Variants in CCDC191 observed in about 807,000 individuals in gnomAD.
CCDC191 encodes the protein coiled-coil domain-containing protein 191.
In CCDC191, 99 loss-of-function variants were observed where a neutral mutation model predicts 114.0. The ratio of observed to expected loss-of-function variants is 0.87; its 90% CI spans 0.74 to 1.03. The LOEUF is 1.03. Ranked by LOEUF, CCDC191 falls within the 50% of genes least tolerant of loss-of-function variation. CCDC191 has a pLI of 0.00. For synonymous variants in CCDC191, 351 were observed against 376.0 expected (o/e 0.93, Z 0.77); for missense variants, 973 against 1,087.0 (o/e 0.90, Z 1.47).
chr3:114,021,684 C>G (rs1377982931), intron 7 of CCDC191, among the ~76,000 whole-genome samples: 2 of 152,094 alleles, frequency 1.3e-5, no homozygotes, highest in Non-Finnish European at 2.9e-5. Context: ...CCTCCCTCCC[C>G]CCAGCTTACT....
chr3:114,030,558 C>T (rs1232720622), intron 7 of CCDC191, among the ~76,000 whole-genome samples: 1 of 152,076 alleles, frequency 6.6e-6, no homozygotes, highest in Non-Finnish European at 1.5e-5. Flanking sequence ...ACTACATTTC[C>T]TTCTGTTTTC....
At chr3:114,041,188 A>C (rs1431815273) in intron 4 of CCDC191, among the ~76,000 whole-genome samples, 1 of 152,212 alleles carries the variant, frequency 6.6e-6, no homozygotes, top group Non-Finnish European at 1.5e-5. Flanking sequence ...ACAAATATGA[A>C]GTACTGAAGT....
chr3:114,043,204 T>C (rs970197117), intron 3 of CCDC191, among the ~76,000 whole-genome samples: 31 of 152,106 alleles, frequency 2.0e-4, no homozygotes, highest in Admixed American at 2.6e-4. Context: ...GGTAATATTA[T>C]TCTCTGCAGA....
intron 2 of CCDC191, among the ~76,000 whole-genome samples, chr3:114,048,787 G>A (rs747173518): frequency 3.3e-4 from 50 of 152,150 alleles, no homozygotes; most frequent in Non-Finnish European, 6.3e-4. Context: ...TCTCCCTCAG[G>A]TAGAATGTTG....
At chr3:114,003,904 A>G (rs2075899129) in intron 11 of CCDC191, 1 of 985,264 alleles carries the variant, frequency 1.0e-6, no homozygotes, top group African/African-American at 1.7e-5. Flanking sequence ...GACTAAGCAT[A>G]TAGTAAAAAC....
In CCDC191 at chr3:114,032,836, T is replaced by C. The variant is rs2076426367; in HGVS notation, c.819-1057A>G. Among the ~76,000 whole-genome samples, 5 of 152,282 alleles carry C rather than the reference T, an allele frequency of 3.3e-5. No homozygotes were observed. The South Asian group carries it at 1.0e-3, about 32-fold the overall frequency. On this transcript the variant is annotated intron_variant, in intron 6 of 16. Coordinates refer to ENST00000295878, the MANE Select transcript of CCDC191 (RefSeq NM_020817.2). ...CTTTAAAACTAGGCAATGAGGCAGATTTAAGATAGCTTACAAATAGGTTCA... is the reference window on the plus strand; with the variant it reads ...CTTTAAAACTAGGCAATGAGGCAGACTTAAGATAGCTTACAAATAGGTTCA...
rs116617475 is a variant in CCDC191, at chr3:114,037,674, T to C, written c.416-888A>G. Reference sequence around the variant, plus strand: ...TTGGTTCCAGGACCTCCCGAGAATATCAAAATCCAAAGATGTTCAAAAATC... The same window carrying C: ...TTGGTTCCAGGACCTCCCGAGAATACCAAAATCCAAAGATGTTCAAAAATC... On this transcript the variant is annotated intron_variant, in intron 4 of 16. Coordinates refer to ENST00000295878, the MANE Select transcript of CCDC191 (RefSeq NM_020817.2). 5.9e-3 allele frequency among the ~76,000 whole-genome samples: 891 copies of C among 152,262 alleles called. 12 individuals are homozygous for C. The highest frequency in any genetic ancestry group is 0.017 in the African/African-American group (711 of 41,558).
At chr3:113,992,059 T>G (rs1207989810) in intron 13 of CCDC191, among the ~76,000 whole-genome samples, 1 of 152,164 alleles carries the variant, frequency 6.6e-6, no homozygotes, top group Non-Finnish European at 1.5e-5. Flanking sequence ...TACCATCATA[T>G]CCCCGCAGAA....
At chr3:114,039,082 C>T (rs1045077938) in intron 4 of CCDC191, among the ~76,000 whole-genome samples, 1 of 150,734 alleles carries the variant, frequency 6.6e-6, no homozygotes, top group African/African-American at 2.4e-5. Flanking sequence ...GAATACTATG[C>T]AAAAAAAAGT....
At chr3:114,051,366 T>C (rs2076696285) in intron 2 of CCDC191, among the ~76,000 whole-genome samples, 1 of 152,178 alleles carries the variant, frequency 6.6e-6, no homozygotes. Flanking sequence ...TCGAACCCCT[T>C]GTTCCTTGGC....
chr3:113,986,581 G>A (rs939135508), intron 13 of CCDC191, among the ~76,000 whole-genome samples: 5 of 152,112 alleles, frequency 3.3e-5, no homozygotes, highest in African/African-American at 1.2e-4. Flanking sequence ...GGTAGCTAAA[G>A]GGAAAGACCC....
chr3:113,980,926 A>G, intron 13 of CCDC191, 133 bp from the exon 14 acceptor site: 4 of 779,022 alleles, frequency 5.1e-6, no homozygotes, highest in Non-Finnish European at 8.1e-6. Flanking sequence ...AGCTCTGGAT[A>G]ATAGGGCTTT....
intron 8 of CCDC191, 48 bp from the exon 9 acceptor site, chr3:114,011,069 T>C: frequency 1.3e-6 from 2 of 1,549,642 alleles, no homozygotes; most frequent in Non-Finnish European, 1.7e-6. Flanking sequence ...ATTTACAGTT[T>C]GTTAATTGAT....
At chr3:114,019,681 CAA>C (rs2076217025) in intron 7 of CCDC191, among the ~76,000 whole-genome samples, 1 of 152,160 alleles carries the variant, frequency 6.6e-6, no homozygotes, top group Non-Finnish European at 1.5e-5. Flanking sequence ...TACGTTGGTG[CAA>C]AAGTAATTGC....
At chr3:113,979,324 C>T (rs1420394822) in intron 14 of CCDC191, among the ~76,000 whole-genome samples, 2 of 152,184 alleles carry the variant, frequency 1.3e-5, no homozygotes, top group Non-Finnish European at 2.9e-5. Context: ...TAGCTGGCAA[C>T]ATTCTCAATT....
At chr3:114,028,253 G>T (rs1235535614) in intron 7 of CCDC191, among the ~76,000 whole-genome samples, 1 of 150,192 alleles carries the variant, frequency 6.7e-6, no homozygotes, top group African/African-American at 2.4e-5. Context: ...TCCCACTGTG[G>T]TATGGGTTAG....
chr3:113,990,489 T>G (rs1236695836), intron 13 of CCDC191, among the ~76,000 whole-genome samples: 1 of 151,918 alleles, frequency 6.6e-6, no homozygotes, highest in Non-Finnish European at 1.5e-5. Context: ...GATAAAAGAC[T>G]ACAAATTAGG....
At chr3:113,982,857 CAAAAA>C (rs55881455) in intron 13 of CCDC191, among the ~76,000 whole-genome samples, 9 of 137,190 alleles carry the variant, frequency 6.6e-5, no homozygotes, top group Non-Finnish European at 9.5e-5. Context: ...AACAAAAAAA[CAAAAA>C]AAAAAAAACC....
In CCDC191 at chr3:114,031,774, TTCTC is replaced by T. The variant is rs750431180; in HGVS notation, c.820_823del (p.Glu274ArgfsTer30). ...TTGAGAATTCTCTTCTTGCCTTTTC[TTCTC>T]TCTATTAATAACAATTTAAAAATAC... On this transcript the variant is annotated frameshift_variant and splice_region_variant, in exon 7 of 17. Transcript: ENST00000295878. LOFTEE classifies it high-confidence loss of function. 121 of 1,333,102 alleles carry T rather than the reference TTCTC, an allele frequency of 9.1e-5. 1 individual carries two copies. Among genetic ancestry groups the T allele is most frequent in the Admixed American group, 3.7e-4 (20 of 54,142 alleles). 82.6% of individuals were successfully genotyped at this position (1,333,102 alleles called of 1,614,324 possible).
Sources: allele counts gnomAD v4.1 joint callset (sites outside exome capture counted in the v4.1 genomes callset), GRCh38; gene constraint gnomAD v4.1.1; transcripts MANE v1.5; gene names NCBI Gene and HGNC (gene_info 2026-07-23, HGNC 2026-07-21).